The following IL18RAP variants were observed in gnomAD, a reference collection of about 807,000 sequenced individuals.
IL18RAP encodes the protein interleukin-18 receptor accessory protein.
Under a neutral mutation model 58.1 loss-of-function variants are expected in IL18RAP, and 37 were observed. That is an observed-to-expected ratio of 0.64 (90% confidence interval 0.49 to 0.84). The LOEUF is 0.84. IL18RAP is among the 40% of genes least tolerant of loss of function. IL18RAP has a pLI of 0.00. For synonymous variants in IL18RAP, 268 were observed against 257.5 expected, an observed-to-expected ratio of 1.04 and a Z score of -0.39; for missense variants, 667 against 704.8, an observed-to-expected ratio of 0.95 and a Z score of 0.61.
At chr2:102,449,812 T>C (rs1369215440) in intron 8 of IL18RAP, among the ~76,000 whole-genome samples, 1 of 152,170 alleles carries the variant, frequency 6.6e-6, no homozygotes, top group African/African-American at 2.4e-5. Context: ...TGTTACACAT[T>C]TAAACAGCAC....
chr2:102,430,610 T>C (rs1373250537), intron 3 of IL18RAP, among the ~76,000 whole-genome samples: 6 of 152,146 alleles, frequency 3.9e-5, no homozygotes, highest in African/African-American at 1.4e-4. Flanking sequence ...CTGTGTGTTT[T>C]GTAGGTTTTT....
chr2:102,452,109 T>G lies in IL18RAP; in HGVS notation c.1728T>G (p.Ser576=). The G allele has an allele frequency of 6.2e-7, 1 of 1,614,098 alleles. No individual in the cohort carries two copies. The highest frequency in any genetic ancestry group is 8.5e-7 in the Non-Finnish European group (1 of 1,180,006). ...CGTGGAACCAGCTCAGAATTACCTC[T>G]AGGATTTTTCAGTGGAAAGGACTCA... ...GFTWNQLRIT[S]RIFQWKGLSR... is the part of the protein sequence containing the mutation. The change falls in exon 10 of 10, where the codon TCT becomes TCG. Residue 576 remains serine, a synonymous_variant. Coordinates refer to ENST00000687160, the MANE Select transcript of IL18RAP (RefSeq NM_001393487.1).
At chr2:102,419,195 G>A (rs1257335744), upstream of IL18RAP, among the ~76,000 whole-genome samples, 2 of 152,162 alleles carry the variant, frequency 1.3e-5, no homozygotes, top group African/African-American at 4.8e-5. Context: ...AGGGCTAAGA[G>A]CAGAGAGATT....
At chr2:102,424,553 T>C in intron 3 of IL18RAP, 139 bp downstream of exon 3, 1 of 683,788 alleles carries the variant, frequency 1.5e-6, no homozygotes, top group South Asian at 2.0e-5. Flanking sequence ...CTGCAGGAGA[T>C]CTGACTTTCT....
In IL18RAP at chr2:102,437,292, A is replaced by G. The variant is rs571213301; in HGVS notation, c.660A>G (p.Val220=). Residue 220 remains valine, a synonymous_variant, in exon 4 of 10, where the codon GTA becomes GTG. Transcript: ENST00000687160. ...EVYDYHQGTY[V]CDYTQSDTVS... ...ATGACTATCACCAGGGCACATATGT[A>G]TGTGATTACACTCAGTCGGATACTG... 6.1e-5 allele frequency: 98 copies of G among 1,613,882 alleles called. No homozygotes were observed. In the South Asian group the frequency reaches 9.7e-4, roughly 16 times the overall value.
Position 102,423,268 on chromosome 2 carries a change from CG to C in IL18RAP, c.-7del, listed in dbSNP as rs1558632820. 6.2e-7 allele frequency: 1 copy of C among 1,613,530 alleles called. No individual in the cohort carries two copies. The highest frequency in any genetic ancestry group is 2.2e-5 in the East Asian group (1 of 44,880). On this transcript the variant is annotated 5_prime_UTR_variant, in exon 1 of 10. Coordinates refer to ENST00000687160, the MANE Select transcript of IL18RAP (RefSeq NM_001393487.1). ...AGTTATTGGAGTGATGACAGGAACA[CG>C]GGAGAACAATGCTCTGTTTGGGCTG... is the stretch of plus-strand genomic sequence containing the variant.
chr2:102,436,781 A>G (rs536131976), intron 3 of IL18RAP, among the ~76,000 whole-genome samples: 172 of 145,442 alleles, frequency 1.2e-3, no homozygotes, highest in African/African-American at 4.4e-3. Context: ...TATATGTTAT[A>G]TATATGTGTG....
upstream of IL18RAP, chr2:102,423,048 G>A: frequency 1.8e-6 from 1 of 571,110 alleles, no homozygotes; most frequent in Middle Eastern, 3.7e-4. Context: ...CACACCATTG[G>A]AAATACTCAC....
At chr2:102,449,037 G>A (rs1573305490) in intron 8 of IL18RAP, among the ~76,000 whole-genome samples, 1 of 94,574 alleles carries the variant, frequency 1.1e-5, no homozygotes, top group South Asian at 2.8e-4. Flanking sequence ...GGGAGGTCCA[G>A]GTGGGCGGAT....
rs1293375241 is a variant in IL18RAP, at chr2:102,423,168, T to A, written c.-110T>A. ...TCTGACTTCTTCATTTCCCATTTCT[T>A]GATTTACAGAAATGAAGGGGATACT... On this transcript the variant is annotated 5_prime_UTR_variant, in exon 1 of 10. Coordinates refer to ENST00000687160, the MANE Select transcript of IL18RAP (RefSeq NM_001393487.1). 1 of 1,004,942 alleles carries A rather than the reference T, an allele frequency of 1.0e-6. No individual in the cohort carries two copies. Among genetic ancestry groups the A allele is most frequent in the Non-Finnish European group, 1.6e-6 (1 of 640,724 alleles). The allele number at this position is 1,004,942 out of a possible 1,614,324, so 62.3% of individuals were successfully genotyped here.
chr2:102,435,136 G>A (rs1301060284), intron 3 of IL18RAP: 1 of 152,180 alleles, frequency 6.6e-6, no homozygotes, highest in Non-Finnish European at 1.5e-5. Flanking sequence ...TATGTTCAGT[G>A]TATGGTCACA....
intron 3 of IL18RAP, among the ~76,000 whole-genome samples, chr2:102,433,494 G>T (rs979134193): frequency 6.6e-6 from 1 of 152,182 alleles, no homozygotes; most frequent in African/African-American, 2.4e-5. Flanking sequence ...AAAGTGCTGG[G>T]ATTACAGGTG....
At chr2:102,443,166 TC>T in intron 5 of IL18RAP, 33 bp from the exon 6 acceptor site, 1 of 1,593,710 alleles carries the variant, frequency 6.3e-7, no homozygotes, top group Admixed American at 1.9e-5. Context: ...CTCACCAGCT[TC>T]CTTCTTGTTT....
chr2:102,441,282 C>A (rs199788961), intron 4 of IL18RAP, 30 bp from the exon 5 acceptor site: 1,046 of 1,585,386 alleles, frequency 6.6e-4, no homozygotes, highest in Non-Finnish European at 8.3e-4. Context: ...CTTTCCAATG[C>A]AAATAGTAAT....
chr2:102,447,071 G>C lies in IL18RAP; in HGVS notation c.1074G>C (p.Val358=). 1 of 1,613,738 alleles carries C rather than the reference G, an allele frequency of 6.2e-7. No individual in the cohort carries two copies. Among genetic ancestry groups the C allele is most frequent in the Non-Finnish European group, 8.5e-7 (1 of 1,179,910 alleles). ...QSVQLKEKRG[V]VLLYILLGTI... Reference sequence around the variant, plus strand: ...TTCATACTGGCCCTGTCTCCACAGTGGTGCTCCTGTACATCCTGCTTGGCA... The same window carrying C: ...TTCATACTGGCCCTGTCTCCACAGTCGTGCTCCTGTACATCCTGCTTGGCA... Residue 358 remains valine, a splice_region_variant and synonymous_variant, in exon 8 of 10, where the codon GTG becomes GTC. Coordinates refer to ENST00000687160, the MANE Select transcript of IL18RAP (RefSeq NM_001393487.1).
At chr2:102,433,047 T>A (rs974887777) in intron 3 of IL18RAP, among the ~76,000 whole-genome samples, 4 of 152,148 alleles carry the variant, frequency 2.6e-5, no homozygotes, top group Admixed American at 6.5e-5. Flanking sequence ...TGTACTGGCC[T>A]AGGGCACCGA....
intron 3 of IL18RAP, 25 bp from the exon 4 acceptor site, chr2:102,437,187 C>G (rs745510271): frequency 6.3e-7 from 1 of 1,577,540 alleles, no homozygotes; most frequent in South Asian, 1.2e-5. Flanking sequence ...GCAAATTTAT[C>G]TGCTTAAAAT....
At chr2:102,445,377 CTTT>C in intron 7 of IL18RAP, 37 bp downstream of exon 7, 1 of 1,601,920 alleles carries the variant, frequency 6.2e-7, no homozygotes, top group Non-Finnish European at 8.5e-7. Context: ...CATGAAACTG[CTTT>C]CACTTGAGAG....
upstream of IL18RAP, chr2:102,418,757 G>A (rs535368603): frequency 6.6e-6 from 1 of 152,394 alleles, no homozygotes; most frequent in East Asian, 1.9e-4. Flanking sequence ...TTATTTTTGA[G>A]CTGGTGTAAC....
Sources: gnomAD v4.1 joint callset for allele counts (sites outside exome capture counted in the v4.1 genomes callset) on GRCh38, gnomAD v4.1.1 for gene constraint, MANE v1.5 for transcripts, NCBI Gene and HGNC (gene_info 2026-07-23, HGNC 2026-07-21) for gene names.